The following RAB3B variants were observed in gnomAD, a reference collection of about 807,000 sequenced individuals.
RAB3B encodes ras-related protein Rab-3B.
RAB3B carries 11 observed loss-of-function variants against 20.5 expected under a neutral mutation model. That is an observed-to-expected ratio of 0.54 (90% CI 0.34 to 0.89). RAB3B has a LOEUF of 0.89. Ranked by LOEUF, RAB3B falls within the 40% of genes least tolerant of loss-of-function variation. The pLI is 0.02. For synonymous variants in RAB3B, 99 were observed against 106.3 expected, an observed-to-expected ratio of 0.93 and a Z score of 0.42; for missense variants, 225 against 280.9, an observed-to-expected ratio of 0.80 and a Z score of 1.42.
At chr1:51,988,098 G>C (rs1557980471) in intron 1 of RAB3B, among the ~76,000 whole-genome samples, 1 of 151,994 alleles carries the variant, frequency 6.6e-6, no homozygotes, top group South Asian at 2.1e-4. Flanking sequence ...TCAGGTATAA[G>C]TGAACCTACA....
intron 2 of RAB3B, among the ~76,000 whole-genome samples, chr1:51,959,581 G>A (rs1206894912): frequency 1.3e-5 from 2 of 152,120 alleles, no homozygotes; most frequent in African/African-American, 4.8e-5. Context: ...GAAACAACCT[G>A]GGCAAGGCAA....
chr1:51,965,431 G>A (rs775385870), intron 2 of RAB3B, among the ~76,000 whole-genome samples: 22 of 151,774 alleles, frequency 1.4e-4, no homozygotes, highest in Non-Finnish European at 2.5e-4. Context: ...GGTGGATCAC[G>A]AGGTCAGGAG....
At chr1:51,987,198 G>C (rs1352526998) in intron 1 of RAB3B, among the ~76,000 whole-genome samples, 1 of 152,190 alleles carries the variant, frequency 6.6e-6, no homozygotes, top group Non-Finnish European at 1.5e-5. Context: ...AGGAGGAGGA[G>C]AGAGCCCTAA....
At position 51,908,845 on chromosome 1, in the gene RAB3B, G is replaced by C. The variant is rs994278346; in HGVS notation, c.*11082C>G. 2 of 152,162 alleles carry C rather than the reference G, an allele frequency of 1.3e-5. No individual in the cohort carries two copies. The highest frequency in any genetic ancestry group is 2.9e-5 in the Non-Finnish European group (2 of 68,114). 9.4% of individuals were successfully genotyped at this position (152,162 alleles called of 1,614,324 possible). ...ATGCAGGCCTCAGTCTTCCTCATCT[G>C]TACTGGAAATAATAAAACCCACATC... is the stretch of plus-strand genomic sequence containing the variant. On this transcript the variant is annotated 3_prime_UTR_variant, in exon 5 of 5. Coordinates refer to ENST00000371655, the MANE Select transcript of RAB3B (RefSeq NM_002867.4).
At chr1:51,967,128 C>T (rs998113261) in intron 2 of RAB3B, among the ~76,000 whole-genome samples, 6 of 152,114 alleles carry the variant, frequency 3.9e-5, no homozygotes, top group African/African-American at 1.2e-4. Flanking sequence ...GCCTGGCCAA[C>T]GTGGTGAAAA....
intron 2 of RAB3B, among the ~76,000 whole-genome samples, chr1:51,940,895 T>C (rs1410583408): frequency 6.6e-6 from 1 of 152,044 alleles, no homozygotes; most frequent in African/African-American, 2.4e-5. Context: ...GGGAAAAAAG[T>C]ATGTGAGTCA....
intron 4 of RAB3B, among the ~76,000 whole-genome samples, chr1:51,932,425 T>TA (rs1684338749): frequency 6.6e-6 from 1 of 152,176 alleles, no homozygotes; most frequent in Admixed American, 6.5e-5. Flanking sequence ...ATACATAAAA[T>TA]AAAAGCTCTT....
At chr1:51,949,079 G>A (rs1293250782) in intron 2 of RAB3B, among the ~76,000 whole-genome samples, 1 of 152,188 alleles carries the variant, frequency 6.6e-6, no homozygotes, top group African/African-American at 2.4e-5. Flanking sequence ...CTTCTCAGTA[G>A]ATAAAGACCC....
At chr1:51,950,961 C>T (rs1057114244) in intron 2 of RAB3B, among the ~76,000 whole-genome samples, 1 of 152,144 alleles carries the variant, frequency 6.6e-6, no homozygotes, top group African/African-American at 2.4e-5. Context: ...TTCAATAGAG[C>T]TTGGGAGACA....
rs75621180 is a variant in RAB3B at position 51,947,811 on chromosome 1, G to A, written c.229-10399C>T. Reference sequence around the variant, plus strand: ...TTAGGGTTAAAAGGAAACCTTAGAAGTCATTCAATCCATCCTCTCACTTAA... The same window carrying A: ...TTAGGGTTAAAAGGAAACCTTAGAAATCATTCAATCCATCCTCTCACTTAA... On this transcript the variant is annotated intron_variant, in intron 2 of 4. Transcript: ENST00000371655. Among the ~76,000 whole-genome samples, 1,100 of 152,082 alleles carry A rather than the reference G, an allele frequency of 7.2e-3. 13 individuals carry two copies. The highest frequency in any genetic ancestry group is 0.026 in the African/African-American group (1,064 of 41,476).
chr1:51,942,057 T>C (rs923792562), intron 2 of RAB3B, among the ~76,000 whole-genome samples: 1 of 152,204 alleles, frequency 6.6e-6, no homozygotes, highest in African/African-American at 2.4e-5. Context: ...TGCCTCTGCT[T>C]CCTGAGCTCC....
chr1:51,925,949 T>C (rs1006882598), intron 4 of RAB3B, among the ~76,000 whole-genome samples: 1 of 152,170 alleles, frequency 6.6e-6, no homozygotes, highest in Admixed American at 6.5e-5. Flanking sequence ...GGAGTCACAG[T>C]AGAGGAGCAG....
rs933190766 is a variant in RAB3B, at chr1:51,941,776, C to A, written c.229-4364G>T. On this transcript the variant is annotated intron_variant, in intron 2 of 4. Coordinates refer to ENST00000371655, the MANE Select transcript of RAB3B (RefSeq NM_002867.4). ...TGTCTTTAAGCATCTTACTCTCCACCTCAATCAGCTTATCAAAGTATTCCT... is the reference window on the plus strand; with the variant it reads ...TGTCTTTAAGCATCTTACTCTCCACATCAATCAGCTTATCAAAGTATTCCT... Among the ~76,000 whole-genome samples, 2 of 152,188 alleles carry A rather than the reference C, an allele frequency of 1.3e-5. 1 individual carries two copies. Among genetic ancestry groups the A allele is most frequent in the South Asian group, 4.1e-4 (2 of 4,832 alleles).
rs1684004613 is a variant in RAB3B, at chr1:51,911,990, A to G, written c.*7937T>C. ...CTTATTACAGGAAATGATTTACCAG[A>G]GATCCTATAGCAAGTTAGGAGCGGA... is the stretch of plus-strand genomic sequence containing the variant. On this transcript the variant is annotated 3_prime_UTR_variant, in exon 5 of 5. Coordinates refer to ENST00000371655, the MANE Select transcript of RAB3B (RefSeq NM_002867.4). 1 of 152,192 alleles carries G rather than the reference A, an allele frequency of 6.6e-6. No homozygotes were observed. Among genetic ancestry groups the G allele is most frequent in the South Asian group, 2.1e-4 (1 of 4,828 alleles). 9.4% of individuals were successfully genotyped at this position (152,192 alleles called of 1,614,324 possible).
chr1:51,980,943 T>C (rs548082200), intron 1 of RAB3B: 2 of 348,032 alleles, frequency 5.7e-6, no homozygotes, highest in South Asian at 6.1e-5. Flanking sequence ...TAAAAGGTAA[T>C]ACATACTTAC....
At chr1:51,965,464 T>C (rs2783179) in intron 2 of RAB3B, among the ~76,000 whole-genome samples, 46,318 of 151,762 alleles carry the variant, frequency 0.31, 7,640 homozygotes, top group Non-Finnish European at 0.37. Context: ...CTGGCCAACA[T>C]GGCAAAACCC....
At chr1:51,921,018 G>A (rs1212626420) in intron 4 of RAB3B, among the ~76,000 whole-genome samples, 3 of 152,122 alleles carry the variant, frequency 2.0e-5, no homozygotes, top group Admixed American at 6.5e-5. Flanking sequence ...GACCCTTAGC[G>A]TCACTTTCTG....
At chr1:51,933,689 C>G (rs1191828039) in intron 3 of RAB3B, among the ~76,000 whole-genome samples, 1 of 152,146 alleles carries the variant, frequency 6.6e-6, no homozygotes, top group African/African-American at 2.4e-5. Flanking sequence ...CTGGCTGTCT[C>G]CAGATACTGG....
chr1:51,945,603 G>A (rs1040371542), intron 2 of RAB3B, among the ~76,000 whole-genome samples: 1 of 152,186 alleles, frequency 6.6e-6, no homozygotes, highest in African/African-American at 2.4e-5. Context: ...TTCCTGCTGT[G>A]TAGTAAATAC....
Sources: allele counts gnomAD v4.1 joint callset (sites outside exome capture counted in the v4.1 genomes callset), GRCh38; gene constraint gnomAD v4.1.1; transcripts MANE v1.5; gene names NCBI Gene and HGNC (gene_info 2026-07-23, HGNC 2026-07-21).